SLC35D4: variants seen among roughly 807,000 people sequenced by gnomAD.
SLC35D4 encodes the protein UDP-N-acetylglucosamine transporter SLC35D4.
the SLC35D4 span, chr18:23,365,605 A>T: frequency 1.9e-6 from 3 of 1,612,372 alleles, no homozygotes; most frequent in East Asian, 6.7e-5. Flanking sequence ...TCAAACAGAC[A>T]AACAAAACAA....
the SLC35D4 span, among the ~76,000 whole-genome samples, chr18:23,361,103 C>CAAAAAAAAAAAAAAAAAAAAAAAAAAAA: frequency 4.4e-4 from 41 of 94,104 alleles, no homozygotes; most frequent in Non-Finnish European, 5.4e-4. Flanking sequence ...GACTTTGTCT[C>CAAAAAAAAAAAAAAAAAAAAAAAAAAAA]AAAAAAAAAA....
At chr18:23,292,501 G>A in the SLC35D4 span, among the ~76,000 whole-genome samples, 2 of 152,224 alleles carry the variant, frequency 1.3e-5, no homozygotes, top group Admixed American at 6.5e-5. Context: ...CCTGCCCGGT[G>A]GCAAAGGGAA....
chr18:23,375,427 G>A, the SLC35D4 span, among the ~76,000 whole-genome samples: 1 of 152,112 alleles, frequency 6.6e-6, no homozygotes, highest in African/African-American at 2.4e-5. Context: ...GTTTATGCAT[G>A]TGTATACATA....
the SLC35D4 span, among the ~76,000 whole-genome samples, chr18:23,242,506 A>G: frequency 6.6e-6 from 1 of 152,236 alleles, no homozygotes; most frequent in Non-Finnish European, 1.5e-5. Context: ...ATGTATCATT[A>G]GAACGTGGCA....
chr18:23,273,505 G>GA, the SLC35D4 span, among the ~76,000 whole-genome samples: 1 of 152,216 alleles, frequency 6.6e-6, no homozygotes, highest in Non-Finnish European at 1.5e-5. Flanking sequence ...TGGAGACACG[G>GA]AAAGTGAACC....
the SLC35D4 span, among the ~76,000 whole-genome samples, chr18:23,420,527 C>T: frequency 6.6e-6 from 1 of 151,854 alleles, no homozygotes; most frequent in Non-Finnish European, 1.5e-5. Flanking sequence ...GCATGCACCA[C>T]ACCTGGCTAA....
At chr18:23,391,462 C>G in the SLC35D4 span, among the ~76,000 whole-genome samples, 3 of 152,072 alleles carry the variant, frequency 2.0e-5, no homozygotes, top group Non-Finnish European at 4.4e-5. Flanking sequence ...ACTGAGTCAC[C>G]CAGCCTACCC....
the SLC35D4 span, among the ~76,000 whole-genome samples, chr18:23,344,509 G>T: frequency 1.4e-4 from 21 of 151,984 alleles, no homozygotes; most frequent in African/African-American, 4.8e-4. Context: ...ATATATTCTG[G>T]ATATAGTTCC....
At chr18:23,426,151 G>A in the SLC35D4 span, among the ~76,000 whole-genome samples, 1 of 151,914 alleles carries the variant, frequency 6.6e-6, no homozygotes, top group African/African-American at 2.4e-5. Flanking sequence ...ATATCTAAAT[G>A]GTTTTATGAT....
At chr18:23,253,736 C>A in the SLC35D4 span, 29 of 1,613,846 alleles carry the variant, frequency 1.8e-5, no homozygotes, top group South Asian at 3.0e-4. Flanking sequence ...CAGTCTGAAA[C>A]GAGAGATGCG....
chr18:23,423,396 G>T, the SLC35D4 span, among the ~76,000 whole-genome samples: 59 of 152,342 alleles, frequency 3.9e-4, no homozygotes, highest in African/African-American at 1.4e-3. Flanking sequence ...CCCTCCAGGG[G>T]GCATTTGGCA....
At chr18:23,298,139 A>C in the SLC35D4 span, 12 of 1,562,832 alleles carry the variant, frequency 7.7e-6, no homozygotes, top group Non-Finnish European at 9.7e-6. Flanking sequence ...CCACATACGC[A>C]GGGCAAGGGG....
At chr18:23,245,380 G>A in the SLC35D4 span, among the ~76,000 whole-genome samples, 18 of 152,046 alleles carry the variant, frequency 1.2e-4, no homozygotes, top group African/African-American at 4.1e-4. Context: ...GCGTGGTGGC[G>A]TGCACCTGTA....
chr18:23,332,753 TAA>T, the SLC35D4 span, among the ~76,000 whole-genome samples: 3 of 144,312 alleles, frequency 2.1e-5, no homozygotes, highest in African/African-American at 7.6e-5. Flanking sequence ...AAAAATTGAT[TAA>T]AAAAAAAAAA....
the SLC35D4 span, among the ~76,000 whole-genome samples, chr18:23,411,480 AG>A: frequency 1.0e-5 from 1 of 98,082 alleles, no homozygotes; most frequent in African/African-American, 3.8e-5. Flanking sequence ...AGAAAGAAAG[AG>A]ATAGAAAGAA....
chr18:23,251,335 C>T, the SLC35D4 span, among the ~76,000 whole-genome samples: 1 of 152,266 alleles, frequency 6.6e-6, no homozygotes, highest in South Asian at 2.1e-4. Context: ...CCTGTAGTTC[C>T]AGCTACTCGG....
At chr18:23,395,729 T>A in the SLC35D4 span, among the ~76,000 whole-genome samples, 1 of 152,194 alleles carries the variant, frequency 6.6e-6, no homozygotes, top group East Asian at 1.9e-4. Flanking sequence ...CAGGAAATTA[T>A]AAGAAGAGTC....
At chr18:23,326,201 A>G in the SLC35D4 span, among the ~76,000 whole-genome samples, 1 of 152,214 alleles carries the variant, frequency 6.6e-6, no homozygotes, top group Non-Finnish European at 1.5e-5. Flanking sequence ...CACACATAAC[A>G]ATAATAACCT....
chr18:23,309,865 C>T, the SLC35D4 span: 3 of 926,260 alleles, frequency 3.2e-6, no homozygotes, highest in Middle Eastern at 2.1e-4. Context: ...GCACTTCGTT[C>T]CACTTCCCGT....
Sources: gnomAD v4.1 joint callset for allele counts (sites outside exome capture counted in the v4.1 genomes callset) on GRCh38, gnomAD v4.1.1 for gene constraint, MANE v1.5 for transcripts, NCBI Gene and HGNC (gene_info 2026-07-23, HGNC 2026-07-21) for gene names.